The following MRTFA variants were observed in gnomAD, a reference collection of about 807,000 sequenced individuals.
MRTFA encodes the protein myocardin related transcription factor A.
Under a neutral mutation model 83.5 loss-of-function variants are expected in MRTFA, and 20 were observed. The observed-to-expected ratio is 0.24, with a 90% CI of 0.17 to 0.35. MRTFA has a LOEUF of 0.35. MRTFA is among the 10% of genes least tolerant of loss of function. The pLI, the probability that MRTFA is intolerant of heterozygous loss-of-function variation, is 1.00. For synonymous variants in MRTFA, 659 were observed against 541.2 expected, an observed-to-expected ratio of 1.22 and a Z score of -3.02; for missense variants, 1,200 against 1,224.7, an observed-to-expected ratio of 0.98 and a Z score of 0.30.
chr22:40,458,804 G>A (rs866484452), intron 4 of MRTFA, among the ~76,000 whole-genome samples: 5 of 152,210 alleles, frequency 3.3e-5, no homozygotes, highest in South Asian at 2.1e-4. Context: ...CTGGCCGGGC[G>A]TGGAGGCTCA....
intron 1 of MRTFA, among the ~76,000 whole-genome samples, chr22:40,620,124 AT>A (rs35417531): frequency 0.036 from 4,795 of 131,468 alleles, 211 homozygotes; most frequent in African/African-American, 0.11. Flanking sequence ...CACCCAGCTA[AT>A]TTTTTTTTTT....
intron 3 of MRTFA, among the ~76,000 whole-genome samples, chr22:40,531,380 T>C (rs954195654): frequency 1.9e-4 from 29 of 150,778 alleles, no homozygotes; most frequent in Non-Finnish European, 4.1e-4. Flanking sequence ...TGAGCCACCA[T>C]GCCAGGCCTG....
At chr22:40,431,632 G>T in intron 5 of MRTFA, 152 bp from the exon 6 acceptor site, 1 of 712,966 alleles carries the variant, frequency 1.4e-6, no homozygotes, top group Non-Finnish European at 2.4e-6. Context: ...TCGGAGGCAA[G>T]AGTAGGCCTG....
chr22:40,588,002 G>A (rs920556560), intron 2 of MRTFA: 19 of 211,150 alleles, frequency 9.0e-5, no homozygotes, highest in Non-Finnish European at 1.5e-4. Context: ...ACATCCATGG[G>A]AAGGTGAGAA....
chr22:40,451,487 G>A (rs2053486071), intron 4 of MRTFA, among the ~76,000 whole-genome samples: 1 of 152,142 alleles, frequency 6.6e-6, no homozygotes, highest in African/African-American at 2.4e-5. Flanking sequence ...AAACCAGCAG[G>A]AAGACCAACT....
intron 4 of MRTFA, among the ~76,000 whole-genome samples, chr22:40,456,944 A>C (rs996125782): frequency 1.1e-4 from 17 of 152,372 alleles, no homozygotes; most frequent in African/African-American, 4.1e-4. Context: ...TAGTTTTAAA[A>C]GAGCTTTACC....
chr22:40,443,526 G>A (rs983844021), intron 4 of MRTFA, among the ~76,000 whole-genome samples: 14 of 151,484 alleles, frequency 9.2e-5, no homozygotes, highest in African/African-American at 3.4e-4. Flanking sequence ...GAAGATGTTG[G>A]CAACCCAAAA....
intron 1 of MRTFA, among the ~76,000 whole-genome samples, chr22:40,595,081 C>T (rs1348730557): frequency 6.6e-6 from 1 of 150,464 alleles, no homozygotes; most frequent in Non-Finnish European, 1.5e-5. Flanking sequence ...TGTCCTATAC[C>T]TCTGAAAACT....
At chr22:40,546,910 C>A (rs1008822666) in intron 3 of MRTFA, among the ~76,000 whole-genome samples, 1 of 152,132 alleles carries the variant, frequency 6.6e-6, no homozygotes, top group African/African-American at 2.4e-5. Context: ...AATCCCAGCA[C>A]TTTGGGAGGC....
intron 2 of MRTFA, among the ~76,000 whole-genome samples, chr22:40,593,187 A>G (rs1569343698): frequency 1.3e-5 from 2 of 152,228 alleles, no homozygotes; most frequent in Non-Finnish European, 2.9e-5. Context: ...AAAGAAAAAA[A>G]TTAACTCATA....
At chr22:40,587,295 GT>G in intron 2 of MRTFA, 1 of 478,756 alleles carries the variant, frequency 2.1e-6, no homozygotes, top group Non-Finnish European at 4.2e-6. Flanking sequence ...TCAGGAGCAA[GT>G]TTCAAAATGT....
intron 2 of MRTFA, among the ~76,000 whole-genome samples, chr22:40,572,254 T>A (rs932130160): frequency 1.3e-5 from 2 of 152,134 alleles, no homozygotes; most frequent in Non-Finnish European, 2.9e-5. Flanking sequence ...TTTGAGGTGA[T>A]AAAAATGTTC....
At chr22:40,456,419 G>A (rs559453297) in intron 4 of MRTFA, among the ~76,000 whole-genome samples, 3 of 152,212 alleles carry the variant, frequency 2.0e-5, no homozygotes, top group Non-Finnish European at 4.4e-5. Flanking sequence ...CAGTTGCAGT[G>A]GCTCACGCCT....
chr22:40,612,157 G>C (rs2056394338), intron 1 of MRTFA, among the ~76,000 whole-genome samples: 1 of 152,166 alleles, frequency 6.6e-6, no homozygotes, highest in South Asian at 2.1e-4. Flanking sequence ...CAATGAGCAA[G>C]TACTTTATTT....
intron 3 of MRTFA, among the ~76,000 whole-genome samples, chr22:40,481,598 T>C (rs978117840): frequency 6.6e-6 from 1 of 152,036 alleles, no homozygotes; most frequent in African/African-American, 2.4e-5. Flanking sequence ...TAATTTTAGA[T>C]AGGGTACACA....
rs1276109680 is a variant in MRTFA at position 40,603,803 on chromosome 22, G to A, written c.-83-9068C>T. The stretch of plus-strand genomic sequence containing the variant: ...TTTTTTTTTTAATTTATAGAGATGA[G>A]GTCTCACTAGGTTGCCCAGGCTGGT... On this transcript the variant is annotated intron_variant, in intron 1 of 14. Transcript: ENST00000355630. Among the ~76,000 whole-genome samples the A allele has an allele frequency of 2.0e-5, 3 of 148,834 alleles. No individual in the cohort carries two copies. The East Asian group carries it at 5.8e-4, about 29-fold the overall frequency.
chr22:40,597,677 C>T (rs998515643), intron 1 of MRTFA, among the ~76,000 whole-genome samples: 1 of 152,160 alleles, frequency 6.6e-6, no homozygotes, highest in African/African-American at 2.4e-5. Flanking sequence ...GGTAGTAGAG[C>T]GCCAAAGGAG....
chr22:40,503,026 G>A (rs992265858), intron 3 of MRTFA, among the ~76,000 whole-genome samples: 4 of 152,202 alleles, frequency 2.6e-5, no homozygotes, highest in South Asian at 4.2e-4. Context: ...CTACGCACAG[G>A]GAAACCAGCA....
intron 3 of MRTFA, among the ~76,000 whole-genome samples, chr22:40,471,121 C>A (rs1265706471): frequency 6.7e-6 from 1 of 149,824 alleles, no homozygotes; most frequent in Non-Finnish European, 1.5e-5. Flanking sequence ...GTAGCTCACA[C>A]CTGTGATCCC....
Sources: allele counts gnomAD v4.1 joint callset (sites outside exome capture counted in the v4.1 genomes callset), GRCh38; gene constraint gnomAD v4.1.1; transcripts MANE v1.5; gene names NCBI Gene and HGNC (gene_info 2026-07-23, HGNC 2026-07-21).